CD109: variants seen among roughly 807,000 people sequenced by gnomAD.
The protein encoded by CD109 is CD109 molecule.
In CD109, 149 loss-of-function variants were observed where a neutral mutation model predicts 165.8. That is an observed-to-expected ratio of 0.90 (90% CI 0.79 to 1.03). CD109 has a LOEUF of 1.03. Among genes scored for constraint, CD109 ranks in the 50% least tolerant of loss-of-function variants. The probability of loss-of-function intolerance (pLI) is 0.00; values close to 1 mark genes in which losing one functional copy is unlikely to be tolerated. For synonymous variants in CD109, 585 were observed against 592.1 expected, an observed-to-expected ratio of 0.99 and a Z score of 0.18; for missense variants, 1,712 against 1,677.8, an observed-to-expected ratio of 1.02 and a Z score of -0.36.
At chr6:73,779,978 A>G (rs909936443) in intron 15 of CD109, among the ~76,000 whole-genome samples, 2 of 151,524 alleles carry the variant, frequency 1.3e-5, no homozygotes, top group African/African-American at 4.8e-5. Flanking sequence ...TCTGCTTATT[A>G]ATAACTTATA....
chr6:73,774,444 G>A (rs1306565768), intron 15 of CD109, among the ~76,000 whole-genome samples: 1 of 152,202 alleles, frequency 6.6e-6, no homozygotes, highest in Non-Finnish European at 1.5e-5. Context: ...AAGAGCACCA[G>A]TAAGAGAAGG....
At chr6:73,767,222 C>T (rs527582628) in intron 13 of CD109, among the ~76,000 whole-genome samples, 68 of 152,180 alleles carry the variant, frequency 4.5e-4, no homozygotes, top group African/African-American at 1.5e-3. Context: ...TCCACCCTCC[C>T]ATAGGACCCA....
At chr6:73,786,004 C>G (rs1774676981) in intron 20 of CD109, among the ~76,000 whole-genome samples, 1 of 152,082 alleles carries the variant, frequency 6.6e-6, no homozygotes, top group South Asian at 2.1e-4. Flanking sequence ...CCACCACGCC[C>G]AGCTAATTTT....
intron 22 of CD109, 37 bp from the exon 23 acceptor site, chr6:73,792,585 CTGAG>C: frequency 6.3e-7 from 1 of 1,590,654 alleles, no homozygotes; most frequent in African/African-American, 1.3e-5. Context: ...GTCGTTGTTA[CTGAG>C]TATTTACTGA....
chr6:73,776,186 T>G (rs1423568492), intron 15 of CD109, among the ~76,000 whole-genome samples: 4 of 152,192 alleles, frequency 2.6e-5, no homozygotes, highest in African/African-American at 9.7e-5. Context: ...ATCTGTTATT[T>G]TTTTGACTTT....
chr6:73,766,266 T>G, intron 11 of CD109, 112 bp downstream of exon 11: 1 of 812,156 alleles, frequency 1.2e-6, no homozygotes. Flanking sequence ...TGGACACATG[T>G]TTCTGTTTCA....
At chr6:73,810,905 A>G in intron 27 of CD109, 87 bp from the exon 28 acceptor site, 5 of 1,320,078 alleles carry the variant, frequency 3.8e-6, no homozygotes, top group Non-Finnish European at 5.2e-6. Context: ...AGGTGTATGA[A>G]TATCCAGCAA....
chr6:73,710,414 T>G (rs1771483973), intron 2 of CD109, among the ~76,000 whole-genome samples: 1 of 152,150 alleles, frequency 6.6e-6, no homozygotes, highest in Admixed American at 6.5e-5. Context: ...CAAGGAGAAC[T>G]ACAAACCACT....
chr6:73,725,269 T>C (rs1239705742), intron 3 of CD109, among the ~76,000 whole-genome samples: 1 of 152,146 alleles, frequency 6.6e-6, no homozygotes, highest in Non-Finnish European at 1.5e-5. Context: ...AAATAAATCC[T>C]GTGTCGTATA....
chr6:73,705,745 AG>A (rs1231808215), intron 2 of CD109, among the ~76,000 whole-genome samples: 2 of 152,250 alleles, frequency 1.3e-5, no homozygotes, highest in African/African-American at 4.8e-5. Context: ...AAGGTTTAAT[AG>A]TTAATAATCA....
chr6:73,765,122 T>G (rs1334737303), intron 10 of CD109, among the ~76,000 whole-genome samples: 1 of 151,968 alleles, frequency 6.6e-6, no homozygotes, highest in Non-Finnish European at 1.5e-5. Context: ...TGCTTGGGCA[T>G]GGGAGTGGGA....
intron 22 of CD109, among the ~76,000 whole-genome samples, chr6:73,788,917 C>T (rs1455010966): frequency 6.6e-6 from 1 of 152,192 alleles, no homozygotes; most frequent in Non-Finnish European, 1.5e-5. Flanking sequence ...GTTGGTGATA[C>T]TCTGGCTTGT....
chr6:73,701,020 C>T (rs1038232023), intron 2 of CD109, among the ~76,000 whole-genome samples: 3 of 150,380 alleles, frequency 2.0e-5, no homozygotes, highest in Admixed American at 2.0e-4. Context: ...CCAGGTTGGT[C>T]TTGAACTCCT....
In CD109 at chr6:73,761,773, G is replaced by A. The variant is rs1263377618; in HGVS notation, c.759-611G>A. Among the ~76,000 whole-genome samples, 5 of 151,912 alleles carry A rather than the reference G, an allele frequency of 3.3e-5. 1 individual carries two copies. The highest frequency in any genetic ancestry group is 9.7e-5 in the African/African-American group (4 of 41,450). ...CCTGACCTCGTGATCCACCAGCCTC[G>A]GCCTCCCAAAGTGCTGGGATTACAG... On this transcript the variant is annotated intron_variant, in intron 7 of 32. Coordinates refer to ENST00000287097, the MANE Select transcript of CD109 (RefSeq NM_133493.5).
At chr6:73,729,274 C>T (rs1158438745) in intron 3 of CD109, among the ~76,000 whole-genome samples, 1 of 152,130 alleles carries the variant, frequency 6.6e-6, no homozygotes, top group Admixed American at 6.5e-5. Context: ...AATTAGGCTT[C>T]ACCTTTTGAA....
chr6:73,735,724 A>C (rs1489725134), intron 4 of CD109, among the ~76,000 whole-genome samples: 3 of 152,314 alleles, frequency 2.0e-5, no homozygotes, highest in Non-Finnish European at 2.9e-5. Context: ...TTCATCATGC[A>C]CTGGTGCTGT....
upstream of CD109, among the ~76,000 whole-genome samples, chr6:73,691,569 C>T (rs1314351408): frequency 6.6e-6 from 1 of 152,182 alleles, no homozygotes; most frequent in Admixed American, 6.5e-5. Flanking sequence ...ACCAGCTTCT[C>T]CTGCAGGTTA....
intron 23 of CD109, among the ~76,000 whole-genome samples, chr6:73,798,526 A>T (rs1318873162): frequency 6.6e-6 from 1 of 152,128 alleles, no homozygotes; most frequent in Non-Finnish European, 1.5e-5. Context: ...GAAACCTCAC[A>T]GGACACTCCC....
At chr6:73,819,249 A>G (rs1340790375) in intron 31 of CD109, among the ~76,000 whole-genome samples, 1 of 152,220 alleles carries the variant, frequency 6.6e-6, no homozygotes, top group Non-Finnish European at 1.5e-5. Flanking sequence ...ATGGAAGACT[A>G]TTCTCAGAGA....
Sources: allele counts gnomAD v4.1 joint callset (sites outside exome capture counted in the v4.1 genomes callset), GRCh38; gene constraint gnomAD v4.1.1; transcripts MANE v1.5; gene names NCBI Gene and HGNC (gene_info 2026-07-23, HGNC 2026-07-21).